The following FOXP2 variants were observed in gnomAD, a reference collection of about 807,000 sequenced individuals.
FOXP2 encodes the protein forkhead box protein P2.
In FOXP2, 12 loss-of-function variants were observed where a neutral mutation model predicts 115.8. The observed-to-expected ratio is 0.10, with a 90% CI of 0.07 to 0.17. The LOEUF (loss-of-function observed/expected upper bound fraction) is 0.17, where lower values mean the gene tolerates loss of function less well. FOXP2 is among the 10% of genes least tolerant of loss of function. The pLI is 1.00. For synonymous variants in FOXP2, 328 were observed against 297.7 expected, an observed-to-expected ratio of 1.10 and a Z score of -1.05; for missense variants, 629 against 843.5, an observed-to-expected ratio of 0.75 and a Z score of 3.15.
intron 16 of FOXP2, among the ~76,000 whole-genome samples, chr7:114,685,868 A>C (rs1193550126): frequency 1.3e-5 from 2 of 152,184 alleles, no homozygotes; most frequent in African/African-American, 4.8e-5. Flanking sequence ...GTCTAGGGAA[A>C]AGATGAGCTG....
chr7:114,253,644 G>A (rs1227500757), intron 1 of FOXP2, among the ~76,000 whole-genome samples: 2 of 152,172 alleles, frequency 1.3e-5, no homozygotes, highest in South Asian at 4.2e-4. Flanking sequence ...CCATTTGCTT[G>A]GTAGATCTTC....
At chr7:114,461,916 CA>C (rs202197986) in intron 2 of FOXP2, among the ~76,000 whole-genome samples, 47 of 148,262 alleles carry the variant, frequency 3.2e-4, no homozygotes, top group South Asian at 1.1e-3. Flanking sequence ...GTTTCTAGCT[CA>C]AAAAAAAAAT....
In FOXP2 at chr7:114,659,595, G is replaced by T; in HGVS notation, c.1569G>T (p.Arg523Ser). 6.2e-7 allele frequency: 1 copy of T among 1,613,628 alleles called. No homozygotes were observed. The highest frequency in any genetic ancestry group is 8.5e-7 in the Non-Finnish European group (1 of 1,179,664). ...AGGCTATCATGGAGTCATCTGACAG[G>T]CAGTTAACACTTAATGAAATTTACA... The part of the protein sequence containing the change: ...IRQAIMESSD[R>S]QLTLNEIYSW... The change falls in exon 13 of 17, where the codon AGG becomes AGT. Residue 523 changes from arginine (R) to serine (S), a missense_variant. By Grantham distance (110) the Arg-to-Ser change is moderately radical (BLOSUM62 -1). Around this residue, in one of 9 missense-constraint regions of FOXP2, gnomAD observed 26 missense variants for 61.1 expected, o/e 0.43. Coordinates refer to ENST00000350908, the MANE Select transcript of FOXP2 (RefSeq NM_014491.4).
At chr7:114,678,303 A>G (rs1038684491) in intron 16 of FOXP2, among the ~76,000 whole-genome samples, 1 of 152,030 alleles carries the variant, frequency 6.6e-6, no homozygotes, top group Non-Finnish European at 1.5e-5. Context: ...GAGAACAATG[A>G]CTCCTTTGCC....
intron 1 of FOXP2, among the ~76,000 whole-genome samples, chr7:114,257,579 G>A (rs545606422): frequency 2.0e-5 from 3 of 150,270 alleles, no homozygotes; most frequent in Admixed American, 6.7e-5. Context: ...TCAGCCTCCC[G>A]AGTAGCTGGC....
intron 2 of FOXP2, among the ~76,000 whole-genome samples, chr7:114,514,049 C>A (rs984815287): frequency 2.1e-4 from 32 of 151,122 alleles, no homozygotes; most frequent in African/African-American, 7.8e-4. Flanking sequence ...CTATATATCA[C>A]TAACATTTTT....
At chr7:114,681,001 T>C (rs1361799229) in intron 16 of FOXP2, among the ~76,000 whole-genome samples, 1 of 152,198 alleles carries the variant, frequency 6.6e-6, no homozygotes, top group African/African-American at 2.4e-5. Context: ...GTTAGAACAT[T>C]GGCATTCTTC....
At chr7:114,157,279 C>T (rs1792697002) in intron 1 of FOXP2, among the ~76,000 whole-genome samples, 1 of 151,942 alleles carries the variant, frequency 6.6e-6, no homozygotes, top group East Asian at 1.9e-4. Flanking sequence ...TAGTAGATTG[C>T]ATGGACAGTT....
chr7:114,682,388 A>G (rs114748394), intron 16 of FOXP2, among the ~76,000 whole-genome samples: 144 of 152,314 alleles, frequency 9.5e-4, no homozygotes, highest in African/African-American at 3.4e-3. Flanking sequence ...TTATAATTAA[A>G]AACCTGTAGA....
chr7:114,574,814 C>A (rs1801493509), intron 3 of FOXP2, among the ~76,000 whole-genome samples: 1 of 151,830 alleles, frequency 6.6e-6, no homozygotes, highest in South Asian at 2.1e-4. Context: ...TAGCATTGAG[C>A]CAGATGAATC....
At chr7:114,102,732 A>ACACC (rs757957770) in intron 1 of FOXP2, among the ~76,000 whole-genome samples, 172 of 146,198 alleles carry the variant, frequency 1.2e-3, no homozygotes, top group African/African-American at 2.8e-3. Context: ...ACACACACAC[A>ACACC]CCCCAATGGT....
rs777630100 is a variant in FOXP2 at position 114,538,352 on chromosome 7, A to G, written c.258+3646A>G. ...CATGAGACAGACTTGTGGTTCTTCAACAGCTGTGCAGAGCAGAGACGTAAA... is the reference window on the plus strand; with the variant it reads ...CATGAGACAGACTTGTGGTTCTTCAGCAGCTGTGCAGAGCAGAGACGTAAA... On this transcript the variant is annotated intron_variant, in intron 3 of 16. Coordinates refer to ENST00000350908, the MANE Select transcript of FOXP2 (RefSeq NM_014491.4). The G allele has an allele frequency of 2.6e-5, 34 of 1,303,104 alleles. 1 individual carries two copies. In the South Asian group the frequency reaches 4.1e-4, roughly 16 times the overall value. 80.7% of individuals were successfully genotyped at this position (1,303,104 alleles called of 1,614,324 possible).
At chr7:114,091,488 A>G (rs1225401913) in intron 1 of FOXP2, among the ~76,000 whole-genome samples, 3 of 151,932 alleles carry the variant, frequency 2.0e-5, no homozygotes, top group African/African-American at 7.2e-5. Context: ...AATTATTTTT[A>G]GGAGTATAAT....
intron 2 of FOXP2, among the ~76,000 whole-genome samples, chr7:114,463,817 G>A (rs1227730974): frequency 2.0e-5 from 3 of 152,078 alleles, no homozygotes; most frequent in African/African-American, 2.4e-5. Flanking sequence ...TATGCATGCC[G>A]TAAATATTAT....
At chr7:114,628,296 G>C (rs1238172873) in intron 3 of FOXP2, among the ~76,000 whole-genome samples, 2 of 152,076 alleles carry the variant, frequency 1.3e-5, no homozygotes, top group African/African-American at 4.8e-5. Flanking sequence ...AAATATCTAA[G>C]CATGTTAAAT....
At chr7:114,585,058 G>A (rs1056974519) in intron 3 of FOXP2, among the ~76,000 whole-genome samples, 1 of 152,118 alleles carries the variant, frequency 6.6e-6, no homozygotes, top group Non-Finnish European at 1.5e-5. Context: ...GTATAGTTTT[G>A]AGTGAAACTG....
Position 114,212,765 on chromosome 7 carries a change from G to C in FOXP2, c.-102+49677G>C, listed in dbSNP as rs146174802. Among the ~76,000 whole-genome samples the C allele has an allele frequency of 8.9e-3, 1,359 of 152,280 alleles. 70 individuals carry two copies. Among genetic ancestry groups the C allele is most frequent in the Admixed American group, 0.074 (1,129 of 15,296 alleles). On this transcript the variant is annotated intron_variant, in intron 1 of 17. Coordinates refer to the FOXP2 transcript ENST00000634411. ...TAGAATAAGACAGAAAAACAAGGGTGGGGAAAGTCTTTTTCTGAGAAAAAC... is the reference window on the plus strand; with the variant it reads ...TAGAATAAGACAGAAAAACAAGGGTCGGGAAAGTCTTTTTCTGAGAAAAAC...
At chr7:114,418,931 A>G (rs1032969243) in intron 1 of FOXP2, among the ~76,000 whole-genome samples, 1 of 151,954 alleles carries the variant, frequency 6.6e-6, no homozygotes, top group Non-Finnish European at 1.5e-5. Context: ...CTGAAAGACT[A>G]GTAATTAAAA....
At chr7:114,577,632 C>T (rs1801642658) in intron 3 of FOXP2, among the ~76,000 whole-genome samples, 2 of 151,962 alleles carry the variant, frequency 1.3e-5, no homozygotes, top group Admixed American at 6.6e-5. Flanking sequence ...TCCCACCAGA[C>T]TTCCTCCTGA....
Sources: allele counts gnomAD v4.1 joint callset (sites outside exome capture counted in the v4.1 genomes callset), GRCh38; gene constraint gnomAD v4.1.1; regional missense constraint gnomAD v4.1.1; transcripts MANE v1.5; gene names NCBI Gene and HGNC (gene_info 2026-07-23, HGNC 2026-07-21).